GRIP1: variants seen among roughly 807,000 people sequenced by gnomAD.
The protein encoded by GRIP1 is glutamate receptor-interacting protein 1.
In GRIP1, 45 loss-of-function variants were observed where a neutral mutation model predicts 129.9. That is an observed-to-expected ratio of 0.35 (90% CI 0.27 to 0.44). The LOEUF is 0.44. Among genes scored for constraint, GRIP1 ranks in the 20% least tolerant of loss-of-function variants. GRIP1 has a pLI of 1.00. For synonymous variants in GRIP1, 530 were observed against 520.8 expected, an observed-to-expected ratio of 1.02 and a Z score of -0.24; for missense variants, 1,196 against 1,396.8, an observed-to-expected ratio of 0.86 and a Z score of 2.29.
chr12:66,826,877 G>T (rs1173226044), intron 1 of GRIP1, among the ~76,000 whole-genome samples: 2 of 151,928 alleles, frequency 1.3e-5, no homozygotes, highest in African/African-American at 2.4e-5. Flanking sequence ...GGTATATTCT[G>T]TATGTATGTT....
chr12:66,625,927 T>A (rs1434673346), intron 1 of GRIP1, among the ~76,000 whole-genome samples: 2 of 152,004 alleles, frequency 1.3e-5, no homozygotes, highest in African/African-American at 4.8e-5. Flanking sequence ...GGAAGCACTA[T>A]CAGAAAGAGA....
chr12:66,473,114 G>C (rs1003771144), intron 7 of GRIP1, among the ~76,000 whole-genome samples: 15 of 152,134 alleles, frequency 9.9e-5, no homozygotes, highest in African/African-American at 3.6e-4. Context: ...GTCTAGAGTC[G>C]ACTTGGGATG....
chr12:67,014,449 G>A (rs750018732), intron 1 of GRIP1, among the ~76,000 whole-genome samples: 7 of 152,110 alleles, frequency 4.6e-5, no homozygotes, highest in Non-Finnish European at 8.8e-5. Flanking sequence ...TGTAGAAAAT[G>A]TATTTTAAAA....
At chr12:66,772,131 G>T (rs1008788411) in intron 1 of GRIP1, among the ~76,000 whole-genome samples, 2 of 152,146 alleles carry the variant, frequency 1.3e-5, no homozygotes, top group African/African-American at 4.8e-5. Context: ...ATAGTTTAGG[G>T]AAATGAGGCT....
At chr12:66,385,269 C>T (rs2056303702) in intron 19 of GRIP1, among the ~76,000 whole-genome samples, 1 of 152,196 alleles carries the variant, frequency 6.6e-6, no homozygotes, top group Non-Finnish European at 1.5e-5. Context: ...GGCACGGTAG[C>T]TCATGCCTGC....
intron 1 of GRIP1, among the ~76,000 whole-genome samples, chr12:66,705,779 A>C (rs2035506831): frequency 6.6e-6 from 1 of 152,300 alleles, no homozygotes; most frequent in South Asian, 2.1e-4. Flanking sequence ...GATCTTCTAC[A>C]AATCTGATAA....
chr12:66,999,322 A>G (rs2042516206), intron 1 of GRIP1, among the ~76,000 whole-genome samples: 1 of 152,206 alleles, frequency 6.6e-6, no homozygotes, highest in Non-Finnish European at 1.5e-5. Context: ...CAACTTGCCC[A>G]AGGCCACCCA....
intron 1 of GRIP1, among the ~76,000 whole-genome samples, chr12:66,864,456 C>T (rs756148): frequency 0.15 from 22,601 of 152,022 alleles, 1,702 homozygotes; most frequent in East Asian, 0.22. Flanking sequence ...TGGCTCACAC[C>T]TGGAATCCCA....
intron 1 of GRIP1, among the ~76,000 whole-genome samples, chr12:66,615,398 G>C (rs993470107): frequency 1.3e-5 from 2 of 152,154 alleles, no homozygotes; most frequent in Admixed American, 1.3e-4. Context: ...AAGCAAGAGA[G>C]AGGTGGAGTC....
chr12:66,455,915 T>C (rs948335965), intron 10 of GRIP1, among the ~76,000 whole-genome samples: 2 of 152,242 alleles, frequency 1.3e-5, no homozygotes, highest in African/African-American at 4.8e-5. Flanking sequence ...ATTCCACATA[T>C]ACAAAGAAGA....
intron 1 of GRIP1, among the ~76,000 whole-genome samples, chr12:66,749,042 T>G (rs1389142503): frequency 6.6e-6 from 1 of 152,228 alleles, no homozygotes; most frequent in Non-Finnish European, 1.5e-5. Context: ...TGCATTAATA[T>G]GCAAACTGTA....
intron 1 of GRIP1, among the ~76,000 whole-genome samples, chr12:66,610,550 T>C (rs1051276188): frequency 6.6e-6 from 1 of 152,134 alleles, no homozygotes; most frequent in African/African-American, 2.4e-5. Context: ...AGAGCTTCTG[T>C]ACTATACCAG....
intron 1 of GRIP1, among the ~76,000 whole-genome samples, chr12:66,674,040 G>T (rs534870275): frequency 1.3e-4 from 20 of 152,310 alleles, no homozygotes; most frequent in African/African-American, 4.8e-4. Context: ...GGGGTGGAAA[G>T]TTAACGAGGT....
At chr12:66,901,892 C>A (rs1504314) in intron 1 of GRIP1, among the ~76,000 whole-genome samples, 1 of 151,964 alleles carries the variant, frequency 6.6e-6, no homozygotes, top group Non-Finnish European at 1.5e-5. Flanking sequence ...TGGGAAGCAA[C>A]GGCATACATA....
At chr12:66,675,223 A>G (rs7310442) in intron 1 of GRIP1, among the ~76,000 whole-genome samples, 42,849 of 151,992 alleles carry the variant, frequency 0.28, 6,510 homozygotes, top group Middle Eastern at 0.4. Flanking sequence ...AAAACAATGA[A>G]AGGTGCCCAG....
intron 1 of GRIP1, among the ~76,000 whole-genome samples, chr12:66,781,309 CA>C (rs1161747242): frequency 1.3e-5 from 2 of 152,108 alleles, no homozygotes; most frequent in Non-Finnish European, 1.5e-5. Flanking sequence ...AAAACTGTGC[CA>C]GGGGAAGTCT....
chr12:66,796,683 T>G (rs1403050594), intron 1 of GRIP1, among the ~76,000 whole-genome samples: 1 of 152,164 alleles, frequency 6.6e-6, no homozygotes, highest in East Asian at 1.9e-4. Context: ...CCACGGTATC[T>G]CCAGCATGTA....
At chr12:66,607,099 T>C (rs979111959) in intron 1 of GRIP1, among the ~76,000 whole-genome samples, 3 of 152,198 alleles carry the variant, frequency 2.0e-5, no homozygotes, top group African/African-American at 7.2e-5. Flanking sequence ...CTACTGTGTA[T>C]ATTCTGCATG....
In GRIP1 at chr12:66,921,161, A is replaced by G. The variant is rs572088902; in HGVS notation, c.58+147889T>C. Among the ~76,000 whole-genome samples the G allele has an allele frequency of 9.8e-5, 15 of 152,346 alleles. No individual in the cohort carries two copies. The South Asian group carries it at 3.1e-3, about 32-fold the overall frequency. On this transcript the variant is annotated intron_variant, in intron 1 of 1. Transcript: ENST00000643019. Reference sequence around the variant, plus strand: ...TAATAGATGACTTCAGAAGCCCTTCAGCTCAGAGAACTGTTTACAACAGCA... The same window carrying G: ...TAATAGATGACTTCAGAAGCCCTTCGGCTCAGAGAACTGTTTACAACAGCA...
Sources: allele counts gnomAD v4.1 joint callset (sites outside exome capture counted in the v4.1 genomes callset), GRCh38; gene constraint gnomAD v4.1.1; transcripts MANE v1.5; gene names NCBI Gene and HGNC (gene_info 2026-07-23, HGNC 2026-07-21).